Variants in FRMD3 observed in about 807,000 individuals in gnomAD.
FRMD3 encodes the protein FERM domain-containing protein 3.
FRMD3 carries 33 observed loss-of-function variants against 70.2 expected under a neutral mutation model. The observed-to-expected ratio is 0.47, with a 90% CI of 0.36 to 0.63. FRMD3 has a LOEUF of 0.63. Ranked by LOEUF, FRMD3 falls within the 20% of genes least tolerant of loss-of-function variation. The pLI is 0.00. For missense variants in FRMD3, 632 were observed against 711.4 expected, an observed-to-expected ratio of 0.89 and a Z score of 1.27; for synonymous variants, 279 against 255.9, an observed-to-expected ratio of 1.09 and a Z score of -0.86.
rs771951357 is a variant in FRMD3 at position 83,247,910 on chromosome 9, G to A, written c.*8C>T. On this transcript the variant is annotated 3_prime_UTR_variant, in exon 14 of 14. Transcript: ENST00000304195. ...GAATATAGCCCTTAGTCACGTGAGA[G>A]ATTAACTTCATGAGCAACCCAGCAT... 7 of 1,612,500 alleles carry A rather than the reference G, an allele frequency of 4.3e-6. No individual in the cohort carries two copies. The highest frequency in any genetic ancestry group is 5.9e-6 in the Non-Finnish European group (7 of 1,178,760).
intron 12 of FRMD3, among the ~76,000 whole-genome samples, chr9:83,297,355 CAG>C (rs916477995): frequency 4.6e-5 from 7 of 152,148 alleles, no homozygotes; most frequent in Non-Finnish European, 2.9e-5. Flanking sequence ...CAGGGTGCTA[CAG>C]AGAAAAGAGC....
intron 6 of FRMD3, among the ~76,000 whole-genome samples, chr9:83,315,094 AAT>A (rs2131066504): frequency 6.6e-6 from 1 of 152,244 alleles, no homozygotes; most frequent in African/African-American, 2.4e-5. Context: ...TTTCCAATGT[AAT>A]ATCTATGTGG....
intron 1 of FRMD3, among the ~76,000 whole-genome samples, chr9:83,450,949 A>G (rs904698559): frequency 6.6e-6 from 1 of 152,214 alleles, no homozygotes; most frequent in African/African-American, 2.4e-5. Context: ...TGTCCGTTTA[A>G]TAAGTCCCCA....
chr9:83,262,898 G>A (rs1329264018), intron 13 of FRMD3, among the ~76,000 whole-genome samples: 1 of 152,112 alleles, frequency 6.6e-6, no homozygotes, highest in East Asian at 1.9e-4. Flanking sequence ...CAAATGATTA[G>A]TCTAAGCCAG....
chr9:83,526,497 T>G (rs1173332882), intron 1 of FRMD3, among the ~76,000 whole-genome samples: 1 of 152,212 alleles, frequency 6.6e-6, no homozygotes, highest in Admixed American at 6.5e-5. Context: ...GCCCTTTTTC[T>G]CCTTCTGAAA....
the FRMD3 span, among the ~76,000 whole-genome samples, chr9:83,553,815 T>A: frequency 6.6e-6 from 1 of 152,214 alleles, no homozygotes; most frequent in Admixed American, 6.5e-5. Flanking sequence ...TGAATCTCAA[T>A]GATATTTGTT....
chr9:83,571,116 G>A, the FRMD3 span, among the ~76,000 whole-genome samples: 1 of 152,110 alleles, frequency 6.6e-6, no homozygotes, highest in Non-Finnish European at 1.5e-5. Flanking sequence ...TCCCATGGAG[G>A]TGAGCACTTG....
intron 6 of FRMD3, 55 bp downstream of exon 6, chr9:83,335,461 A>G: frequency 1.3e-6 from 2 of 1,495,290 alleles, no homozygotes; most frequent in Non-Finnish European, 1.8e-6. Context: ...CATTCCCTGC[A>G]GTAAGAATAT....
chr9:83,274,470 A>G lies in FRMD3; in HGVS notation c.1195+16133T>C, dbSNP rs1038565747. ...CATGTCAAGAGCCAAGAAATATGTC[A>G]TAGAGGAGGAGCCACTTGAGAAATC... On this transcript the variant is annotated intron_variant, in intron 13 of 13. Transcript: ENST00000304195. 3.3e-5 allele frequency among the ~76,000 whole-genome samples: 5 copies of G among 152,250 alleles called. No individual in the cohort carries two copies. The South Asian group carries it at 6.2e-4, about 19-fold the overall frequency.
chr9:83,336,052 C>G (rs1251571814), intron 5 of FRMD3, among the ~76,000 whole-genome samples: 2 of 152,046 alleles, frequency 1.3e-5, no homozygotes. Context: ...ACTGCTCTCT[C>G]CCAGAAGTTA....
intron 5 of FRMD3, among the ~76,000 whole-genome samples, chr9:83,336,099 T>A (rs1823568566): frequency 6.6e-6 from 1 of 152,086 alleles, no homozygotes; most frequent in Admixed American, 6.5e-5. Context: ...ATAGAAGGAA[T>A]ACATTCAAGA....
At chr9:83,554,006 G>A in the FRMD3 span, among the ~76,000 whole-genome samples, 1 of 152,182 alleles carries the variant, frequency 6.6e-6, no homozygotes, top group Non-Finnish European at 1.5e-5. Context: ...TAACTGCAGT[G>A]TAGATTAAGT....
chr9:83,433,317 C>T (rs974657284), intron 1 of FRMD3, among the ~76,000 whole-genome samples: 4 of 152,150 alleles, frequency 2.6e-5, no homozygotes, highest in African/African-American at 7.2e-5. Context: ...ATTCTGCATG[C>T]TCAGGGATCA....
chr9:83,446,988 T>TGTTTTGTTTTG lies in FRMD3; in HGVS notation c.148-57281_148-57280insCAAAACAAAAC, dbSNP rs1554706660. On this transcript the variant is annotated intron_variant, in intron 1 of 13. Coordinates refer to ENST00000304195, the MANE Select transcript of FRMD3 (RefSeq NM_174938.6). The stretch of plus-strand genomic sequence containing the variant: ...CCTCCTCACAGACAGCAGATCAGGG[T>TGTTTTGTTTTG]TTTTGTTTTGTTTTGTTTTGTTTTG... Among the ~76,000 whole-genome samples the TGTTTTGTTTTG allele has an allele frequency of 3.6e-3, 522 of 146,856 alleles. 3 individuals carry two copies. The highest frequency in any genetic ancestry group is 0.013 in the African/African-American group (503 of 39,366).
At chr9:83,298,688 G>C in intron 12 of FRMD3, 60 bp downstream of exon 12, 1 of 1,265,764 alleles carries the variant, frequency 7.9e-7, no homozygotes. Context: ...GGATGTTATA[G>C]GGGATTTGGA....
intron 6 of FRMD3, among the ~76,000 whole-genome samples, chr9:83,334,933 G>T (rs1188376936): frequency 2.0e-5 from 3 of 152,230 alleles, no homozygotes; most frequent in African/African-American, 7.2e-5. Flanking sequence ...TTGTTGTGAA[G>T]ATTAAACGAG....
At chr9:83,303,397 T>A (rs1402809796) in intron 10 of FRMD3, among the ~76,000 whole-genome samples, 2 of 152,350 alleles carry the variant, frequency 1.3e-5, no homozygotes, top group African/African-American at 4.8e-5. Context: ...GTCTGTCTGA[T>A]TTCAGTATTT....
At chr9:83,451,488 C>T (rs114689272) in intron 1 of FRMD3, among the ~76,000 whole-genome samples, 2,199 of 152,106 alleles carry the variant, frequency 0.014, 61 homozygotes, top group African/African-American at 0.05. Flanking sequence ...CCTACCCAGG[C>T]GATTGTCTGC....
At chr9:83,406,860 TTC>T (rs1317207177) in intron 1 of FRMD3, among the ~76,000 whole-genome samples, 2 of 152,232 alleles carry the variant, frequency 1.3e-5, no homozygotes, top group African/African-American at 4.8e-5. Flanking sequence ...TGTTGTTGTT[TTC>T]TGTTTAATTT....
Sources: gnomAD v4.1 joint callset for allele counts (sites outside exome capture counted in the v4.1 genomes callset) on GRCh38, gnomAD v4.1.1 for gene constraint, MANE v1.5 for transcripts, NCBI Gene and HGNC (gene_info 2026-07-23, HGNC 2026-07-21) for gene names.